DAPK1: variants seen among roughly 807,000 people sequenced by gnomAD.
The protein encoded by DAPK1 is death associated protein kinase 1.
In DAPK1, 56 loss-of-function variants were observed where a neutral mutation model predicts 144.9. The observed-to-expected ratio is 0.39, with a 90% CI of 0.31 to 0.48. The LOEUF (loss-of-function observed/expected upper bound fraction) is 0.48, where lower values mean the gene tolerates loss of function less well. Ranked by LOEUF, DAPK1 falls within the 20% of genes least tolerant of loss-of-function variation. The pLI, the probability that DAPK1 is intolerant of heterozygous loss-of-function variation, is 0.95. For synonymous variants in DAPK1, 690 were observed against 749.0 expected, an observed-to-expected ratio of 0.92 and a Z score of 1.29; for missense variants, 1,454 against 1,875.4, an observed-to-expected ratio of 0.78 and a Z score of 4.15.
Position 87,658,021 on chromosome 9 carries a change from CT to C in DAPK1, c.1825-6del. 2 of 1,168,418 alleles carry C rather than the reference CT, an allele frequency of 1.7e-6. No homozygotes were observed. Among genetic ancestry groups the C allele is most frequent in the Non-Finnish European group, 2.6e-6 (2 of 776,668 alleles). The allele number at this position is 1,168,418 out of a possible 1,614,324, so 72.4% of individuals were successfully genotyped here. A position where few individuals can be genotyped will look rare whatever the true frequency, so the allele number is the denominator to read the frequency against. On this transcript the variant is annotated splice_polypyrimidine_tract_variant and splice_region_variant and intron_variant, in intron 17 of 25. Transcript: ENST00000408954. ...GAACGACCTTTGGCCTTTTTTCTCT[CT>C]TCCCAGTATGGGCGAACGCCTCTGC...
At chr9:87,497,712 T>G (rs939014835), upstream of DAPK1, 1 of 239,566 alleles carries the variant, frequency 4.2e-6, no homozygotes, top group Non-Finnish European at 8.0e-6. Flanking sequence ...AGCGCGGAGC[T>G]GGGAGGAGCA....
intron 2 of DAPK1, among the ~76,000 whole-genome samples, chr9:87,585,816 GT>G (rs1407020090): frequency 3.3e-5 from 5 of 152,178 alleles, no homozygotes; most frequent in African/African-American, 1.2e-4. Context: ...AAGATGTGCT[GT>G]GTGTGTGTAA....
At chr9:87,550,624 A>G (rs1469337924) in intron 2 of DAPK1, among the ~76,000 whole-genome samples, 3 of 152,230 alleles carry the variant, frequency 2.0e-5, no homozygotes, top group Non-Finnish European at 4.4e-5. Context: ...CTTCTTAACT[A>G]ATGACATCTA....
intron 2 of DAPK1, among the ~76,000 whole-genome samples, chr9:87,602,001 G>A (rs1828539455): frequency 6.6e-6 from 1 of 152,152 alleles, no homozygotes; most frequent in Non-Finnish European, 1.5e-5. Context: ...GCAGCCCTTT[G>A]TCCCCCAGGC....
chr9:87,568,461 T>C (rs1471533042), intron 2 of DAPK1, among the ~76,000 whole-genome samples: 3 of 152,248 alleles, frequency 2.0e-5, no homozygotes, highest in Non-Finnish European at 4.4e-5. Flanking sequence ...AAAAGAGTTT[T>C]GTTGAAGCAA....
intron 2 of DAPK1, among the ~76,000 whole-genome samples, chr9:87,511,162 T>G (rs1587671729): frequency 6.6e-6 from 1 of 152,218 alleles, no homozygotes; most frequent in East Asian, 1.9e-4. Context: ...TGGCTCAGCT[T>G]GCCTGGTGGG....
chr9:87,696,161 G>A (rs1308275609), intron 21 of DAPK1, among the ~76,000 whole-genome samples: 1 of 17,840 alleles, frequency 5.6e-5, no homozygotes, highest in Non-Finnish European at 9.8e-5. Context: ...AAATATATAT[G>A]TATACAGACA....
At chr9:87,548,294 A>G (rs1274544641) in intron 2 of DAPK1, among the ~76,000 whole-genome samples, 2 of 152,176 alleles carry the variant, frequency 1.3e-5, no homozygotes, top group African/African-American at 4.8e-5. Context: ...CAAAGTCAGA[A>G]GGCCTGCGTT....
At chr9:87,604,674 T>C (rs1486655402) in intron 2 of DAPK1, among the ~76,000 whole-genome samples, 1 of 152,130 alleles carries the variant, frequency 6.6e-6, no homozygotes, top group Non-Finnish European at 1.5e-5. Context: ...TCCCAGGACC[T>C]GAAGTGGGAG....
intron 2 of DAPK1, chr9:87,525,516 T>C (rs1220173588): frequency 1.7e-6 from 2 of 1,149,016 alleles, no homozygotes; most frequent in African/African-American, 3.0e-5. Context: ...ATATACTCAA[T>C]GAAAAACCAT....
At chr9:87,651,414 AGT>A in intron 16 of DAPK1, 111 bp from the exon 17 acceptor site, 1 of 1,002,068 alleles carries the variant, frequency 1.0e-6, no homozygotes, top group East Asian at 2.4e-5. Flanking sequence ...TAGGGCTTTT[AGT>A]AGTGATCTTG....
Position 87,621,420 on chromosome 9 carries a change from C to G in DAPK1, c.284+16245C>G, listed in dbSNP as rs561973824. The stretch of plus-strand genomic sequence containing the variant: ...GAGGCTGGTGGGCTTCCCACCTGCA[C>G]CACCTAGTCCAGATTTCCTCCATTC... On this transcript the variant is annotated intron_variant, in intron 3 of 25. Coordinates refer to ENST00000408954, the MANE Select transcript of DAPK1 (RefSeq NM_004938.4). Among the ~76,000 whole-genome samples the G allele has an allele frequency of 9.2e-5, 14 of 152,322 alleles. No homozygotes were observed. In the East Asian group the frequency reaches 2.3e-3, roughly 25 times the overall value.
intron 2 of DAPK1, among the ~76,000 whole-genome samples, chr9:87,557,601 T>C (rs935414983): frequency 2.6e-5 from 4 of 152,194 alleles, no homozygotes; most frequent in South Asian, 4.1e-4. Flanking sequence ...ACATTACTCA[T>C]TGAGAAGTGA....
Position 87,638,638 on chromosome 9 carries a change from A to G in DAPK1, c.423+557A>G, listed in dbSNP as rs374756881. Among the ~76,000 whole-genome samples the G allele has an allele frequency of 1.8e-4, 28 of 152,328 alleles. No homozygotes were observed. The East Asian group carries it at 3.3e-3, about 18-fold the overall frequency. On this transcript the variant is annotated intron_variant, in intron 4 of 25. Transcript: ENST00000408954. Reference sequence around the variant, plus strand: ...ACGACAGGAGCAATAGGAAGTGGCAATGGTGGGAAGTTCCAGTTCAAGGCA... The same window carrying G: ...ACGACAGGAGCAATAGGAAGTGGCAGTGGTGGGAAGTTCCAGTTCAAGGCA...
intron 22 of DAPK1, among the ~76,000 whole-genome samples, chr9:87,697,750 C>T (rs1825310969): frequency 1.3e-5 from 2 of 152,188 alleles, no homozygotes; most frequent in Non-Finnish European, 2.9e-5. Flanking sequence ...CTCAGGAGTT[C>T]AAGACCAGCC....
At chr9:87,652,888 G>C (rs10780868) in intron 17 of DAPK1, among the ~76,000 whole-genome samples, 68,194 of 98,508 alleles carry the variant, frequency 0.69, 23,988 homozygotes, top group African/African-American at 0.9. Flanking sequence ...GATTCTGTGT[G>C]CTCCCACCTG....
chr9:87,695,122 GC>G (rs1305946747), intron 21 of DAPK1, among the ~76,000 whole-genome samples: 1 of 152,180 alleles, frequency 6.6e-6, no homozygotes, highest in Non-Finnish European at 1.5e-5. Context: ...GGGACCCCAG[GC>G]CCTGCTCCCA....
At chr9:87,627,693 AC>A (rs1313553480) in intron 3 of DAPK1, among the ~76,000 whole-genome samples, 4 of 151,696 alleles carry the variant, frequency 2.6e-5, no homozygotes, top group Non-Finnish European at 5.9e-5. Context: ...TTTCAGCAAA[AC>A]CCTACTCTTC....
At chr9:87,531,490 T>G (rs1176991030) in intron 2 of DAPK1, among the ~76,000 whole-genome samples, 1 of 152,036 alleles carries the variant, frequency 6.6e-6, no homozygotes, top group Non-Finnish European at 1.5e-5. Flanking sequence ...AAGGGAGAAG[T>G]TGGGGGTAAG....
Sources: allele counts gnomAD v4.1 joint callset (sites outside exome capture counted in the v4.1 genomes callset), GRCh38; gene constraint gnomAD v4.1.1; transcripts MANE v1.5; gene names NCBI Gene and HGNC (gene_info 2026-07-23, HGNC 2026-07-21).